The following SIN3B variants were observed in gnomAD, a reference collection of about 807,000 sequenced individuals.
SIN3B encodes paired amphipathic helix protein Sin3b.
Under a neutral mutation model 120.2 loss-of-function variants are expected in SIN3B, and 19 were observed. That is an observed-to-expected ratio of 0.16 (90% CI 0.11 to 0.23). The LOEUF (loss-of-function observed/expected upper bound fraction) is 0.23. Ranked by LOEUF, SIN3B falls within the 10% of genes least tolerant of loss-of-function variation. The pLI, the probability that SIN3B is intolerant of heterozygous loss-of-function variation, is 1.00. For missense variants in SIN3B, 1,073 were observed against 1,573.0 expected, an observed-to-expected ratio of 0.68 and a Z score of 5.38; for synonymous variants, 654 against 653.2, an observed-to-expected ratio of 1.00 and a Z score of -0.02.
Position 16,878,741 on chromosome 19 carries a change from G to T in SIN3B, c.*14G>T. On this transcript the variant is annotated 3_prime_UTR_variant, in exon 19 of 19. Transcript: ENST00000248054. ...GCCTCGCCCTGACCCGCCCTCATGGGCACCGGGCAGGCGCCTCACAGAGCA... is the reference window on the plus strand; with the variant it reads ...GCCTCGCCCTGACCCGCCCTCATGGTCACCGGGCAGGCGCCTCACAGAGCA... 1.3e-6 allele frequency: 2 copies of T among 1,580,452 alleles called. No individual in the cohort carries two copies. The highest frequency in any genetic ancestry group is 1.8e-5 in the Admixed American group (1 of 56,392).
At chr19:16,835,998 C>G (rs958605807) in intron 3 of SIN3B, among the ~76,000 whole-genome samples, 2 of 152,134 alleles carry the variant, frequency 1.3e-5, no homozygotes, top group South Asian at 2.1e-4. Context: ...CTTTTTCCCC[C>G]CCCAATTTTA....
At chr19:16,859,297 G>A (rs1459616375) in intron 8 of SIN3B, among the ~76,000 whole-genome samples, 4 of 152,166 alleles carry the variant, frequency 2.6e-5, no homozygotes, top group Non-Finnish European at 5.9e-5. Context: ...CTGCCTTCTG[G>A]GCACAGTGGC....
chr19:16,836,093 G>A (rs2144576517), intron 3 of SIN3B, among the ~76,000 whole-genome samples: 1 of 152,358 alleles, frequency 6.6e-6, no homozygotes, highest in East Asian at 1.9e-4. Context: ...GCCTCGGGCA[G>A]CCTTTGGCGC....
At chr19:16,855,616 G>A (rs1323903551) in intron 8 of SIN3B, 1 of 152,228 alleles carries the variant, frequency 6.6e-6, no homozygotes, top group East Asian at 1.9e-4. Flanking sequence ...AGCTACTTGG[G>A]AGGCTGAGGC....
At chr19:16,846,043 G>T (rs1214541138) in intron 4 of SIN3B, among the ~76,000 whole-genome samples, 1 of 152,170 alleles carries the variant, frequency 6.6e-6, no homozygotes, top group African/African-American at 2.4e-5. Flanking sequence ...AAAGTGCTGG[G>T]ATTACAGGCA....
chr19:16,876,524 C>T lies in SIN3B; in HGVS notation c.2805C>T (p.Thr935=). 2 of 1,613,514 alleles carry T rather than the reference C, an allele frequency of 1.2e-6. No individual in the cohort carries two copies. The highest frequency in any genetic ancestry group is 1.1e-5 in the South Asian group (1 of 91,090). ...FLQRKGQVIM[T]IELLDTEEAQ... ...AGCGCAAAGGGCAGGTGATCATGAC[C>T]ATCGAGCTCCTGGACACCGAGGAGG... is the stretch of plus-strand genomic sequence containing the variant. The change falls in exon 16 of 19, where the codon ACC becomes ACT. Residue 935 remains threonine, a synonymous_variant. Coordinates refer to ENST00000248054, the MANE Select transcript of SIN3B (RefSeq NM_001297595.2). The surrounding 1 kb of genome is among the most constrained non-coding windows in gnomAD (Gnocchi z 7.1).
chr19:16,875,998 A>G, intron 14 of SIN3B, 57 bp from the exon 15 acceptor site: 4 of 1,503,244 alleles, frequency 2.7e-6, no homozygotes, highest in Non-Finnish European at 3.6e-6. Context: ...TCTGTGGGTG[A>G]GGTGGGGACT....
intron 3 of SIN3B, among the ~76,000 whole-genome samples, chr19:16,834,528 A>G (rs552689787): frequency 5.5e-4 from 84 of 152,208 alleles, no homozygotes; most frequent in African/African-American, 2.0e-3. Context: ...AGACCCATCG[A>G]CTTGGGGAAA....
At chr19:16,873,513 T>A (rs1396097994) in intron 14 of SIN3B, among the ~76,000 whole-genome samples, 1 of 143,502 alleles carries the variant, frequency 7.0e-6, no homozygotes, top group Non-Finnish European at 1.5e-5. Flanking sequence ...GGGCTGGCAG[T>A]CTGTCCCCTC....
rs996724359 is a variant in SIN3B at position 16,874,373 on chromosome 19, T to TTGGTTTGGTC, written c.2593-1667_2593-1658dup. On this transcript the variant is annotated intron_variant, in intron 14 of 18. Transcript: ENST00000248054. Reference sequence around the variant, plus strand: ...TGGCCTGGTCTGGTCTGGTTTGGTTTTGGTTTGGTCTGGTTTGGTCTGGTC... The same window carrying TTGGTTTGGTC: ...TGGCCTGGTCTGGTCTGGTTTGGTTTTGGTTTGGTCTGGTTTGGTCTGGTTTGGTCTGGTC... Among the ~76,000 whole-genome samples, 3 of 151,946 alleles carry TTGGTTTGGTC rather than the reference T, an allele frequency of 2.0e-5. No homozygotes were observed. The South Asian group carries it at 6.2e-4, about 32-fold the overall frequency.
intron 14 of SIN3B, among the ~76,000 whole-genome samples, chr19:16,873,285 C>T (rs2051536524): frequency 6.6e-6 from 1 of 152,166 alleles, no homozygotes; most frequent in Non-Finnish European, 1.5e-5. Flanking sequence ...ATTTCTGTGT[C>T]TGGCCATGAG....
At chr19:16,861,592 GTC>G (rs2144608113) in intron 8 of SIN3B, among the ~76,000 whole-genome samples, 1 of 152,180 alleles carries the variant, frequency 6.6e-6, no homozygotes, top group African/African-American at 2.4e-5. Flanking sequence ...GGGAAACCCC[GTC>G]TCTACTAAAC....
intron 16 of SIN3B, chr19:16,877,109 T>G: frequency 4.5e-6 from 1 of 220,688 alleles, no homozygotes; most frequent in Non-Finnish European, 9.1e-6. Flanking sequence ...TGTGTGCACA[T>G]TACTCAGCTA....
At chr19:16,872,926 T>C (rs2051531253) in intron 14 of SIN3B, among the ~76,000 whole-genome samples, 1 of 152,088 alleles carries the variant, frequency 6.6e-6, no homozygotes, top group Non-Finnish European at 1.5e-5. Context: ...AGGACAGGCA[T>C]GGGCGGTGCC....
chr19:16,860,212 A>G (rs1399791308), intron 8 of SIN3B, among the ~76,000 whole-genome samples: 1 of 152,158 alleles, frequency 6.6e-6, no homozygotes, highest in Non-Finnish European at 1.5e-5. Flanking sequence ...GTTCACCACC[A>G]TGTGGCGTTC....
At chr19:16,852,967 A>C (rs1372249204) in intron 6 of SIN3B, 102 bp from the exon 7 acceptor site, 1 of 922,866 alleles carries the variant, frequency 1.1e-6, no homozygotes, top group Non-Finnish European at 1.6e-6. Flanking sequence ...GCAGTTCCCA[A>C]AGGAGAGCAC....
At chr19:16,873,882 G>A (rs2051546407) in intron 14 of SIN3B, among the ~76,000 whole-genome samples, 2 of 152,228 alleles carry the variant, frequency 1.3e-5, no homozygotes, top group African/African-American at 4.8e-5. Flanking sequence ...TTAAAAATTA[G>A]CATTGCTGTT....
chr19:16,851,762 G>T (rs1164493067), intron 6 of SIN3B, among the ~76,000 whole-genome samples: 1 of 152,206 alleles, frequency 6.6e-6, no homozygotes, highest in African/African-American at 2.4e-5. Context: ...GGAGGAGGAA[G>T]GAGTGTTAAC....
At chr19:16,839,541 G>A (rs990451453) in intron 3 of SIN3B, among the ~76,000 whole-genome samples, 16 of 152,208 alleles carry the variant, frequency 1.1e-4, no homozygotes, top group East Asian at 5.8e-4. Context: ...ATGGTGGGGG[G>A]CTCGCAGTGA....
Sources: gnomAD v4.1 joint callset for allele counts (sites outside exome capture counted in the v4.1 genomes callset) on GRCh38, gnomAD v4.1.1 for gene constraint, Gnocchi (gnomAD v3.1) non-coding constraint, MANE v1.5 for transcripts, NCBI Gene and HGNC (gene_info 2026-07-23, HGNC 2026-07-21) for gene names.